The following SCN11A variants were observed in gnomAD, a reference collection of about 807,000 sequenced individuals.
The protein encoded by SCN11A is sodium channel protein type 11 subunit alpha.
SCN11A carries 122 observed loss-of-function variants against 162.2 expected under a neutral mutation model. That is an observed-to-expected ratio of 0.75 (90% CI 0.65 to 0.87). SCN11A has a LOEUF of 0.87. Among genes scored for constraint, SCN11A ranks in the 40% least tolerant of loss-of-function variants. The probability of loss-of-function intolerance (pLI) is 0.00; values close to 1 mark genes in which losing one functional copy is unlikely to be tolerated. For synonymous variants in SCN11A, 758 were observed against 751.5 expected, an observed-to-expected ratio of 1.01 and a Z score of -0.14; for missense variants, 2,015 against 2,181.6, an observed-to-expected ratio of 0.92 and a Z score of 1.52.
Position 38,904,058 on chromosome 3 carries a change from A to G in SCN11A, c.1649T>C (p.Leu550Pro), listed in dbSNP as rs776045545. The G allele has an allele frequency of 1.2e-6, 2 of 1,602,258 alleles. No individual in the cohort carries two copies. Among genetic ancestry groups the G allele is most frequent in the South Asian group, 1.1e-5 (1 of 88,240 alleles). ...QEPCLPCGEN[L>P]ASKYLVWNCC... ...GTTCCACACGAGGTACTTGGATGCC[A>G]GGTTTTCTCCACAAGGGAGACAAGG... is the stretch of plus-strand genomic sequence containing the variant. The change falls in exon 16 of 30, where the codon CTG (leucine) becomes CCG (proline). Residue 550 changes from leucine to proline, a missense_variant. Transcript: ENST00000302328.
intron 28 of SCN11A, among the ~76,000 whole-genome samples, chr3:38,851,635 C>G (rs557667733): frequency 6.6e-6 from 1 of 152,312 alleles, no homozygotes; most frequent in South Asian, 2.1e-4. Flanking sequence ...TTATAACATT[C>G]TTGACTATAC....
intron 2 of SCN11A, among the ~76,000 whole-genome samples, chr3:38,964,757 A>C (rs2066771089): frequency 6.6e-6 from 1 of 152,242 alleles, no homozygotes; most frequent in Non-Finnish European, 1.5e-5. Flanking sequence ...GGAGCATGGA[A>C]GAAGAGGAGG....
intron 6 of SCN11A, 102 bp from the exon 7 acceptor site, chr3:38,945,614 G>C (rs1203238410): frequency 1.6e-6 from 1 of 644,432 alleles, no homozygotes; most frequent in Admixed American, 3.2e-5. Context: ...TTCTGCAGGT[G>C]CATCTATCTT....
chr3:38,980,322 G>A (rs2029980752), intron 2 of SCN11A, among the ~76,000 whole-genome samples: 1 of 152,146 alleles, frequency 6.6e-6, no homozygotes, highest in Non-Finnish European at 1.5e-5. Context: ...TGCACTCAGG[G>A]AAAAGAATGG....
chr3:38,928,125 C>A (rs1328475273), intron 7 of SCN11A, among the ~76,000 whole-genome samples: 1 of 152,158 alleles, frequency 6.6e-6, no homozygotes, highest in African/African-American at 2.4e-5. Flanking sequence ...AAGTTAGAAT[C>A]TTTACTTACA....
At chr3:38,878,657 A>C (rs2065259828) in intron 23 of SCN11A, among the ~76,000 whole-genome samples, 1 of 152,124 alleles carries the variant, frequency 6.6e-6, no homozygotes, top group Non-Finnish European at 1.5e-5. Context: ...TATGGCATTT[A>C]TACCTTTCTA....
chr3:38,878,548 A>T (rs952584434), intron 23 of SCN11A, among the ~76,000 whole-genome samples: 1 of 152,102 alleles, frequency 6.6e-6, no homozygotes, highest in Non-Finnish European at 1.5e-5. Context: ...ACTATAATCT[A>T]TTAAGATAAT....
intron 28 of SCN11A, among the ~76,000 whole-genome samples, chr3:38,856,697 A>G (rs1447050547): frequency 6.6e-6 from 1 of 152,196 alleles, no homozygotes; most frequent in African/African-American, 2.4e-5. Context: ...TCATCAAGTC[A>G]GTAAATAAAA....
intron 2 of SCN11A, among the ~76,000 whole-genome samples, chr3:39,029,430 T>A: frequency 6.6e-6 from 1 of 152,248 alleles, no homozygotes; most frequent in East Asian, 1.9e-4. Flanking sequence ...GTGCTTTTGG[T>A]ATTTTTCATA....
chr3:38,877,166 T>C lies in SCN11A; in HGVS notation c.3393+2784A>G, dbSNP rs192158686. Among the ~76,000 whole-genome samples, 48 of 95,592 alleles carry C rather than the reference T, an allele frequency of 5.0e-4. 1 individual carries two copies. The highest frequency in any genetic ancestry group is 2.4e-3 in the African/African-American group (46 of 19,048). 62.7% of individuals were successfully genotyped at this position (95,592 alleles called of 152,430 possible). A position where few individuals can be genotyped will look rare whatever the true frequency, so the allele number is the denominator to read the frequency against. On this transcript the variant is annotated intron_variant, in intron 23 of 29. Transcript: ENST00000302328. ...TATGGTATATATATGGTGTATATAC[T>C]ATATATATGGTATATATATGGTGTA... is the stretch of plus-strand genomic sequence containing the variant.
At chr3:39,051,120 GT>G (rs199801324) in intron 1 of SCN11A, among the ~76,000 whole-genome samples, 33 of 145,960 alleles carry the variant, frequency 2.3e-4, no homozygotes, top group African/African-American at 3.0e-4. Context: ...TTTTTGTCTT[GT>G]TTTTTTTTTT....
intron 2 of SCN11A, among the ~76,000 whole-genome samples, chr3:38,974,409 T>C (rs2066834936): frequency 6.6e-6 from 1 of 152,110 alleles, no homozygotes; most frequent in East Asian, 1.9e-4. Flanking sequence ...GAAGGCCTAA[T>C]TCAAGGCCGG....
rs556867689 is a variant in SCN11A, at chr3:38,938,225, T to C, written c.488+7186A>G. On this transcript the variant is annotated intron_variant, in intron 7 of 29. Coordinates refer to ENST00000302328, the MANE Select transcript of SCN11A (RefSeq NM_001349253.2). ...AAGGGGAACATCACACTCTGGGGAC[T>C]GTTGTGGGGTGGGCGGAGTGGGGAG... Among the ~76,000 whole-genome samples, 1,200 of 151,802 alleles carry C rather than the reference T, an allele frequency of 7.9e-3. 20 individuals are homozygous for C. Among genetic ancestry groups the C allele is most frequent in the African/African-American group, 0.028 (1,152 of 41,390 alleles).
rs374017971 is a variant in SCN11A at position 38,900,112 on chromosome 3, G to A, written c.1843-39C>T. 2.2e-4 allele frequency: 343 copies of A among 1,538,664 alleles called. 2 individuals are homozygous for A. In the Middle Eastern group the frequency reaches 4.4e-3, roughly 20 times the overall value. ...AAGAAGAATGAGAGAAGGAAGCTGC[G>A]GAGATAACACTTTTAAGAATGGCCC... On this transcript the variant is annotated intron_variant, in intron 16 of 29. Coordinates refer to ENST00000302328, the MANE Select transcript of SCN11A (RefSeq NM_001349253.2).
At position 38,867,430 on chromosome 3, in the gene SCN11A, T is replaced by C. The variant is rs2065058648; in HGVS notation, c.3842A>G (p.Asn1281Ser). The C allele has an allele frequency of 1.2e-6, 2 of 1,612,870 alleles. No individual in the cohort carries two copies. The highest frequency in any genetic ancestry group is 1.1e-5 in the South Asian group (1 of 90,894). ...TACGAAGTAAATGTAACCGAGTGAA[T>C]TGCTCTCAAACTCTGGCTGTTGTTC... ...EKEQQPEFES[N>S]SLGYIYFVVF... is the part of the protein sequence containing the mutation. The change falls in exon 27 of 30, where the codon AAT becomes AGT. Residue 1281 changes from asparagine to serine, a missense_variant. Physicochemically the swap from Asn to Ser is conservative, Grantham distance 46. Transcript: ENST00000302328.
In SCN11A at chr3:38,909,369, A is replaced by G. The variant is rs73828708; in HGVS notation, c.1102-175T>C. On this transcript the variant is annotated intron_variant, in intron 12 of 29. Coordinates refer to ENST00000302328, the MANE Select transcript of SCN11A (RefSeq NM_001349253.2). ...ATACTCCAGGGATTCCTGATGCCCTATCTCTCAGTGGGGAGATACTATCCA... is the reference window on the plus strand; with the variant it reads ...ATACTCCAGGGATTCCTGATGCCCTGTCTCTCAGTGGGGAGATACTATCCA... Among the ~76,000 whole-genome samples the G allele has an allele frequency of 0.019, 2,933 of 152,218 alleles. 84 individuals are homozygous for G. The highest frequency in any genetic ancestry group is 0.061 in the African/African-American group (2,535 of 41,534).
intron 2 of SCN11A, among the ~76,000 whole-genome samples, chr3:39,027,722 GAAGT>G (rs1433110255): frequency 6.6e-6 from 1 of 152,218 alleles, no homozygotes; most frequent in Non-Finnish European, 1.5e-5. Flanking sequence ...AAGGATTTGA[GAAGT>G]AAGGAGGTAG....
intron 1 of SCN11A, among the ~76,000 whole-genome samples, chr3:39,047,630 C>A (rs190707492): frequency 1.2e-3 from 175 of 151,944 alleles, no homozygotes; most frequent in Non-Finnish European, 2.0e-3. Flanking sequence ...AGTATTCATC[C>A]AACAAGGAAT....
At chr3:38,963,878 T>A (rs1228937425) in intron 2 of SCN11A, among the ~76,000 whole-genome samples, 2 of 152,228 alleles carry the variant, frequency 1.3e-5, no homozygotes, top group East Asian at 1.9e-4. Context: ...TACAGAAAAA[T>A]TTTAAAAAAT....
Sources: allele counts gnomAD v4.1 joint callset (sites outside exome capture counted in the v4.1 genomes callset), GRCh38; gene constraint gnomAD v4.1.1; transcripts MANE v1.5; gene names NCBI Gene and HGNC (gene_info 2026-07-23, HGNC 2026-07-21).